The following INTS2 variants were observed in gnomAD, a reference collection of about 807,000 sequenced individuals.
INTS2 encodes the protein KIAA1287.
In INTS2, 57 loss-of-function variants were observed where a neutral mutation model predicts 139.6. That is an observed-to-expected ratio of 0.41 (90% CI 0.33 to 0.51). The LOEUF (loss-of-function observed/expected upper bound fraction) is 0.51. INTS2 is among the 20% of genes least tolerant of loss of function. The pLI, the probability that INTS2 is intolerant of heterozygous loss-of-function variation, is 0.28. For missense variants in INTS2, 1,196 were observed against 1,436.7 expected (o/e 0.83, Z 2.71); for synonymous variants, 473 against 493.4 (o/e 0.96, Z 0.55).
At chr17:61,883,351 TA>T (rs879779014) in intron 16 of INTS2, among the ~76,000 whole-genome samples, 221 of 135,350 alleles carry the variant, frequency 1.6e-3, no homozygotes, top group Admixed American at 2.0e-3. Context: ...CATCTCTACT[TA>T]AAAAAAAAAA....
At chr17:61,927,590 G>C in intron 1 of INTS2, 64 bp downstream of exon 1, 1 of 1,205,376 alleles carries the variant, frequency 8.3e-7, no homozygotes, top group Non-Finnish European at 1.1e-6. Context: ...GCTGAGCAAA[G>C]TCTGGCCAGG....
At chr17:61,896,896 C>T (rs1033198149) in intron 11 of INTS2, among the ~76,000 whole-genome samples, 2 of 152,132 alleles carry the variant, frequency 1.3e-5, no homozygotes, top group African/African-American at 2.4e-5. Context: ...TTTTCCTTAG[C>T]AATTACCTTC....
At chr17:61,879,816 G>A (rs369950981) in intron 17 of INTS2, among the ~76,000 whole-genome samples, 8 of 151,978 alleles carry the variant, frequency 5.3e-5, no homozygotes, top group African/African-American at 1.9e-4. Flanking sequence ...GTCCAGAGTA[G>A]GCAACAGAAC....
chr17:61,888,983 C>T (rs912569373), intron 15 of INTS2, among the ~76,000 whole-genome samples: 1 of 151,560 alleles, frequency 6.6e-6, no homozygotes, highest in African/African-American at 2.4e-5. Context: ...CAAGATCATG[C>T]CACTGCACTC....
chr17:61,907,737 T>G (rs2079481252), intron 7 of INTS2, 103 bp from the exon 8 acceptor site: 24 of 816,768 alleles, frequency 2.9e-5, no homozygotes, highest in Non-Finnish European at 4.4e-5. Flanking sequence ...CAAATTGGCC[T>G]ATTTGAAGAG....
In INTS2 at chr17:61,882,887, G is replaced by T. The variant is rs1326733404; in HGVS notation, c.2090-1716C>A. ...CTACGCAGTAGTAGTAGGAATCAAA[G>T]TACTTTAGATCTAATTATCCTTTTA... On this transcript the variant is annotated intron_variant, in intron 16 of 24. Coordinates refer to ENST00000251334, the MANE Select transcript of INTS2 (RefSeq NM_001351695.2). This position sits in a 1 kb window ranked among gnomAD's most constrained non-coding sequence, Gnocchi z 4.7. 6.6e-6 allele frequency among the ~76,000 whole-genome samples: 1 copy of T among 152,258 alleles called. No individual in the cohort carries two copies. Among genetic ancestry groups the T allele is most frequent in the South Asian group, 2.1e-4 (1 of 4,822 alleles).
chr17:61,870,130 G>T lies in INTS2; in HGVS notation c.2779-142C>A. 1 of 777,302 alleles carries T rather than the reference G, an allele frequency of 1.3e-6. No homozygotes were observed. 48.2% of individuals were successfully genotyped at this position (777,302 alleles called of 1,614,324 possible). On this transcript the variant is annotated intron_variant, in intron 20 of 24. Transcript: ENST00000251334. This position sits in a 1 kb window ranked among gnomAD's most constrained non-coding sequence, Gnocchi z 4.4. The stretch of plus-strand genomic sequence containing the variant: ...ACACAAAGAGGTACTTCTAAGAGCA[G>T]AACTGAGCAATCTGTAGAGCAGTGG...
Position 61,891,796 on chromosome 17 carries a change from C to T in INTS2, c.1699-107G>A, listed in dbSNP as rs1363429665. ...ACATGAATTATGAATCAGTAAAACT[C>T]ACTATTAACTTTTGGCAGTTCCAAA... On this transcript the variant is annotated intron_variant, in intron 13 of 24. Coordinates refer to ENST00000251334, the MANE Select transcript of INTS2 (RefSeq NM_001351695.2). The T allele has an allele frequency of 1.0e-5, 8 of 790,254 alleles. No homozygotes were observed. In the African/African-American group the frequency reaches 1.4e-4, roughly 14 times the overall value. 49.0% of individuals were successfully genotyped at this position (790,254 alleles called of 1,614,324 possible).
At position 61,872,132 on chromosome 17, in the gene INTS2, AT is replaced by A. The variant is rs1394170003; in HGVS notation, c.2778+132del. 2.0e-6 allele frequency: 1 copy of A among 506,060 alleles called. No homozygotes were observed. The highest frequency in any genetic ancestry group is 3.5e-6 in the Non-Finnish European group (1 of 282,986). 31.3% of individuals were successfully genotyped at this position (506,060 alleles called of 1,614,324 possible). A position where few individuals can be genotyped will look rare whatever the true frequency, so the allele number is the denominator to read the frequency against. On this transcript the variant is annotated intron_variant, in intron 20 of 24. Coordinates refer to ENST00000251334, the MANE Select transcript of INTS2 (RefSeq NM_001351695.2). The surrounding 1 kb of genome is among the most constrained non-coding windows in gnomAD (Gnocchi z 4.8). ...AGCAAAGGTAACATCATTGTAATAG[AT>A]TCTATAATAAAAGAAATGCACAATA...
At chr17:61,890,756 T>A (rs9894718) in intron 14 of INTS2, among the ~76,000 whole-genome samples, 11,085 of 147,976 alleles carry the variant, frequency 0.075, 1,381 homozygotes, top group African/African-American at 0.26. Flanking sequence ...GACTTTAAAG[T>A]GAAGCTTAAA....
chr17:61,925,166 T>C (rs1240976950), intron 2 of INTS2, 67 bp from the exon 3 acceptor site: 6 of 1,396,288 alleles, frequency 4.3e-6, no homozygotes, highest in Non-Finnish European at 6.0e-6. Context: ...ATAAAAATTA[T>C]CTTTTATTGA....
chr17:61,885,685 T>C (rs377254107), intron 15 of INTS2, among the ~76,000 whole-genome samples: 51 of 150,142 alleles, frequency 3.4e-4, no homozygotes, highest in South Asian at 1.3e-3. Context: ...GCCTCCCAAA[T>C]TGCTGGGATT....
rs1234290889 is a variant in INTS2, at chr17:61,865,797, TAC to T, written c.*1758_*1759del. On this transcript the variant is annotated 3_prime_UTR_variant, in exon 25 of 25. Coordinates refer to ENST00000251334, the MANE Select transcript of INTS2 (RefSeq NM_001351695.2). This position sits in a 1 kb window ranked among gnomAD's most constrained non-coding sequence, Gnocchi z 4.8. ...GAAAATTCTTATGCTATTTTTAAGA[TAC>T]TTTTATTACTTTTATTTTTCACATC... 1 of 152,274 alleles carries T rather than the reference TAC, an allele frequency of 6.6e-6. No homozygotes were observed. Among genetic ancestry groups the T allele is most frequent in the African/African-American group, 2.4e-5 (1 of 41,466 alleles). The allele number at this position is 152,274 out of a possible 1,614,324, so 9.4% of individuals were successfully genotyped here. A position where few individuals can be genotyped will look rare whatever the true frequency, so the allele number is the denominator to read the frequency against.
At chr17:61,888,590 TGGA>T (rs2079255173) in intron 15 of INTS2, among the ~76,000 whole-genome samples, 2 of 151,508 alleles carry the variant, frequency 1.3e-5, no homozygotes, top group Non-Finnish European at 2.9e-5. Context: ...TGTGTGTGTG[TGGA>T]GATGGGCATC....
chr17:61,916,960 C>T (rs2079588934), intron 5 of INTS2, among the ~76,000 whole-genome samples: 1 of 151,848 alleles, frequency 6.6e-6, no homozygotes. Flanking sequence ...AAAACCACCC[C>T]ATTAAAAGTG....
chr17:61,891,583 G>A lies in INTS2; in HGVS notation c.1805C>T (p.Ser602Phe). ...INSILTPASK[S>F]NPEATNQPVT... ...TGGCTGATTTGTGGCTTCTGGATTA[G>A]ATTTCGACGCAGGAGTAAGTATAGA... The change falls in exon 14 of 25, where the codon TCT (serine) becomes TTT (phenylalanine). Residue 602 changes from serine (S) to phenylalanine (F), a missense_variant. Physicochemically the swap from Ser to Phe is radical, Grantham distance 155. This residue lies in a region of INTS2 where 1,129 missense variants were observed against 1,341.9 expected (regional missense o/e 0.84). Coordinates refer to ENST00000251334, the MANE Select transcript of INTS2 (RefSeq NM_001351695.2). 6.2e-7 allele frequency: 1 copy of A among 1,613,718 alleles called. No individual in the cohort carries two copies. The highest frequency in any genetic ancestry group is 1.3e-5 in the African/African-American group (1 of 75,026).
intron 15 of INTS2, among the ~76,000 whole-genome samples, chr17:61,888,718 T>C (rs2079256503): frequency 1.3e-5 from 2 of 152,020 alleles, no homozygotes; most frequent in Middle Eastern, 3.4e-3. Flanking sequence ...CCCAGCCCAA[T>C]GTTAACGGCA....
At chr17:61,918,355 T>C (rs1217596384) in intron 5 of INTS2, among the ~76,000 whole-genome samples, 2 of 152,110 alleles carry the variant, frequency 1.3e-5, no homozygotes, top group African/African-American at 4.8e-5. Flanking sequence ...AATTCTCCTG[T>C]CTCAGCCTCC....
intron 1 of INTS2, 65 bp from the exon 2 acceptor site, chr17:61,926,727 T>C (rs764017647): frequency 5.4e-6 from 7 of 1,305,136 alleles, no homozygotes; most frequent in Non-Finnish European, 7.6e-6. Flanking sequence ...CCCAACTTTC[T>C]AAAAACCCTG....
Sources: gnomAD v4.1 joint callset for allele counts (sites outside exome capture counted in the v4.1 genomes callset) on GRCh38, gnomAD v4.1.1 for gene constraint, gnomAD v4.1.1 regional missense constraint, Gnocchi (gnomAD v3.1) non-coding constraint, MANE v1.5 for transcripts, NCBI Gene and HGNC (gene_info 2026-07-23, HGNC 2026-07-21) for gene names.